ADK: variants seen among roughly 807,000 people sequenced by gnomAD.
The protein encoded by ADK is adenosine kinase, also known as N6,N6-dimethyladenosine kinase.
In ADK, 24 loss-of-function variants were observed where a neutral mutation model predicts 44.7. The ratio of observed to expected loss-of-function variants is 0.54; its 90% CI spans 0.39 to 0.76. The LOEUF (loss-of-function observed/expected upper bound fraction) is 0.76, where lower values mean the gene tolerates loss of function less well. ADK is among the 30% of genes least tolerant of loss of function. The pLI, the probability that ADK is intolerant of heterozygous loss-of-function variation, is 0.00. For synonymous variants in ADK, 128 were observed against 142.6 expected (o/e 0.90, Z 0.73); for missense variants, 321 against 425.1 (o/e 0.76, Z 2.15).
intron 6 of ADK, among the ~76,000 whole-genome samples, chr10:74,457,022 A>G (rs550995119): frequency 3.9e-4 from 59 of 152,344 alleles, no homozygotes; most frequent in African/African-American, 1.3e-3. Flanking sequence ...AAACCCTTCC[A>G]AAAATCAGTG....
chr10:74,197,553 A>C (rs1459462770), intron 1 of ADK, among the ~76,000 whole-genome samples: 2 of 152,140 alleles, frequency 1.3e-5, no homozygotes, highest in Non-Finnish European at 2.9e-5. Context: ...TATAAAAATT[A>C]GCCAGGCGTG....
chr10:74,570,868 T>G (rs1290374688), intron 7 of ADK, among the ~76,000 whole-genome samples: 1 of 152,024 alleles, frequency 6.6e-6, no homozygotes, highest in Non-Finnish European at 1.5e-5. Flanking sequence ...CTTGTGCCCA[T>G]TTTCAAAGGG....
intron 9 of ADK, among the ~76,000 whole-genome samples, chr10:74,649,825 G>A (rs971643301): frequency 6.6e-6 from 1 of 152,070 alleles, no homozygotes; most frequent in African/African-American, 2.4e-5. Context: ...CACATTTTCA[G>A]ATTTCCCAGC....
intron 7 of ADK, among the ~76,000 whole-genome samples, chr10:74,565,213 G>T (rs573745297): frequency 2.6e-5 from 4 of 152,286 alleles, no homozygotes; most frequent in African/African-American, 9.6e-5. Flanking sequence ...TTGGAGCCTA[G>T]TCAAGTCACA....
At chr10:74,502,417 G>T (rs542816565) in intron 6 of ADK, among the ~76,000 whole-genome samples, 1 of 151,982 alleles carries the variant, frequency 6.6e-6, no homozygotes, top group Non-Finnish European at 1.5e-5. Flanking sequence ...ATTAGAAGAG[G>T]TTTATTCCCT....
intron 6 of ADK, among the ~76,000 whole-genome samples, chr10:74,484,702 T>G (rs1412908752): frequency 1.3e-5 from 2 of 152,150 alleles, no homozygotes; most frequent in East Asian, 3.8e-4. Context: ...ATTCTGTGAT[T>G]TTTGTAATAT....
At chr10:74,450,822 G>A (rs1453560605) in intron 6 of ADK, among the ~76,000 whole-genome samples, 4 of 152,044 alleles carry the variant, frequency 2.6e-5, no homozygotes, top group African/African-American at 9.7e-5. Flanking sequence ...ACAAATATTT[G>A]TTGGGGAATT....
chr10:74,505,685 G>GT (rs1848045396), intron 6 of ADK, among the ~76,000 whole-genome samples: 2 of 151,920 alleles, frequency 1.3e-5, no homozygotes, highest in Non-Finnish European at 2.9e-5. Context: ...TAACAATGGC[G>GT]TTTTCCATGA....
chr10:74,444,055 T>C (rs773198471), intron 6 of ADK, among the ~76,000 whole-genome samples: 2 of 152,112 alleles, frequency 1.3e-5, no homozygotes, highest in African/African-American at 2.4e-5. Context: ...CAGTTCTATC[T>C]CCTGTCCCTC....
At chr10:74,459,787 A>G (rs1289627734) in intron 6 of ADK, among the ~76,000 whole-genome samples, 4 of 151,270 alleles carry the variant, frequency 2.6e-5, no homozygotes, top group Admixed American at 2.6e-4. Context: ...GGCTCTCTGT[A>G]GTCAAAAGTC....
chr10:74,410,631 A>C (rs1467764716), intron 6 of ADK, among the ~76,000 whole-genome samples: 1 of 152,182 alleles, frequency 6.6e-6, no homozygotes, highest in African/African-American at 2.4e-5. Context: ...CGGTGAGCCA[A>C]GATCGCGCCA....
chr10:74,487,036 G>A (rs2133376526), intron 6 of ADK, among the ~76,000 whole-genome samples: 1 of 152,078 alleles, frequency 6.6e-6, no homozygotes, highest in South Asian at 2.1e-4. Flanking sequence ...ATCATGATTA[G>A]TTTTTTGTAG....
chr10:74,362,016 A>G (rs1299962837), intron 4 of ADK, among the ~76,000 whole-genome samples: 1 of 152,068 alleles, frequency 6.6e-6, no homozygotes. Flanking sequence ...GACCTTTGTG[A>G]GTTTGATTAT....
intron 7 of ADK, 123 bp from the exon 8 acceptor site, chr10:74,589,159 G>C (rs779931119): frequency 7.8e-5 from 63 of 808,060 alleles, no homozygotes; most frequent in Non-Finnish European, 1.3e-4. Flanking sequence ...AATAAAAATT[G>C]AACTATGTGG....
chr10:74,331,118 C>A (rs1171259582), intron 4 of ADK, among the ~76,000 whole-genome samples: 2 of 152,038 alleles, frequency 1.3e-5, no homozygotes, highest in Non-Finnish European at 2.9e-5. Flanking sequence ...AATTATGCAG[C>A]TAATATTTTA....
intron 1 of ADK, among the ~76,000 whole-genome samples, chr10:74,153,014 CAA>C (rs1311586956): frequency 1.3e-5 from 2 of 151,646 alleles, no homozygotes; most frequent in African/African-American, 2.4e-5. Flanking sequence ...CTTTCAGACT[CAA>C]AGTGTGATAA....
chr10:74,163,871 G>C (rs1382650965), intron 1 of ADK, among the ~76,000 whole-genome samples: 1 of 152,192 alleles, frequency 6.6e-6, no homozygotes, highest in Non-Finnish European at 1.5e-5. Flanking sequence ...TTATAGGCTT[G>C]ACTGAGGAAG....
chr10:74,267,754 T>TTGTGTGTGTGTGTGTGTG lies in ADK; in HGVS notation c.194+43185_194+43202dup, dbSNP rs372502769. 6.9e-3 allele frequency among the ~76,000 whole-genome samples: 920 copies of TTGTGTGTGTGTGTGTGTG among 132,784 alleles called. 8 individuals are homozygous for TTGTGTGTGTGTGTGTGTG. The highest frequency in any genetic ancestry group is 9.5e-3 in the Non-Finnish European group (593 of 62,564). The allele number at this position is 132,784 out of a possible 152,430, so 87.1% of individuals were successfully genotyped here. ...ATCAGCTATTGGCTTATATCCTTATTTGTGTGTGTGTGTGTGTGTGTGTGT... is the reference window on the plus strand; with the variant it reads ...ATCAGCTATTGGCTTATATCCTTATTTGTGTGTGTGTGTGTGTGTGTGTGTGTGTGTGTGTGTGTGTGT... On this transcript the variant is annotated intron_variant, in intron 3 of 10. Coordinates refer to ENST00000539909, the MANE Select transcript of ADK (RefSeq NM_006721.4).
At chr10:74,302,530 T>C in intron 3 of ADK, among the ~76,000 whole-genome samples, 1 of 152,036 alleles carries the variant, frequency 6.6e-6, no homozygotes, top group East Asian at 1.9e-4. Context: ...CAGTGGCTCA[T>C]GCCTATAATC....
Sources: gnomAD v4.1 joint callset for allele counts (sites outside exome capture counted in the v4.1 genomes callset) on GRCh38, gnomAD v4.1.1 for gene constraint, MANE v1.5 for transcripts, NCBI Gene and HGNC (gene_info 2026-07-23, HGNC 2026-07-21) for gene names.